Variants in EXOC6 observed in about 807,000 individuals in gnomAD.
The protein encoded by EXOC6 is exocyst complex component 6, also known as SEC15-like 1.
In EXOC6, 60 loss-of-function variants were observed where a neutral mutation model predicts 112.5. The ratio of observed to expected loss-of-function variants is 0.53; its 90% CI spans 0.43 to 0.66. The LOEUF is 0.66. Among genes scored for constraint, EXOC6 ranks in the 30% least tolerant of loss-of-function variants. The probability of loss-of-function intolerance (pLI) is 0.00; values close to 1 mark genes in which losing one functional copy is unlikely to be tolerated. For missense variants in EXOC6, 855 were observed against 957.1 expected (o/e 0.89, Z 1.41); for synonymous variants, 295 against 308.0 (o/e 0.96, Z 0.44).
intron 1 of EXOC6, among the ~76,000 whole-genome samples, chr10:92,852,345 A>T (rs1458908978): frequency 6.6e-6 from 1 of 152,226 alleles, no homozygotes; most frequent in African/African-American, 2.4e-5. Flanking sequence ...ATTGAAGAGG[A>T]GGGAATATTT....
chr10:92,977,332 C>G (rs1048389310), intron 18 of EXOC6, among the ~76,000 whole-genome samples: 5 of 151,908 alleles, frequency 3.3e-5, no homozygotes, highest in African/African-American at 1.2e-4. Context: ...CTTCAAAGAA[C>G]CAATTAGAAA....
intron 5 of EXOC6, 73 bp downstream of exon 5, chr10:92,899,717 A>G (rs951493608): frequency 1.4e-5 from 15 of 1,100,916 alleles, no homozygotes; most frequent in South Asian, 2.7e-5. Flanking sequence ...TACATTTACT[A>G]TAAATCATAG....
chr10:93,001,250 A>G (rs1843742451), intron 19 of EXOC6, among the ~76,000 whole-genome samples: 1 of 152,192 alleles, frequency 6.6e-6, no homozygotes, highest in Non-Finnish European at 1.5e-5. Context: ...CTAAAAGATC[A>G]TTGAGTTTCT....
chr10:92,915,656 C>T (rs1265725908), intron 6 of EXOC6, 102 bp from the exon 7 acceptor site: 2 of 669,776 alleles, frequency 3.0e-6, no homozygotes, highest in South Asian at 3.1e-5. Flanking sequence ...TCTATACCTA[C>T]AGACATTAAA....
chr10:92,880,401 G>A (rs1360128643), intron 1 of EXOC6, among the ~76,000 whole-genome samples: 1 of 151,392 alleles, frequency 6.6e-6, no homozygotes, highest in Non-Finnish European at 1.5e-5. Context: ...CCAGGGATAC[G>A]GAACCCCCAG....
chr10:92,992,189 T>C (rs976537820), intron 18 of EXOC6, among the ~76,000 whole-genome samples: 4 of 147,480 alleles, frequency 2.7e-5, no homozygotes, highest in Non-Finnish European at 4.4e-5. Context: ...CTTGGGAGGC[T>C]GAGGCATGAG....
intron 19 of EXOC6, among the ~76,000 whole-genome samples, chr10:93,011,678 T>C (rs1475499354): frequency 2.6e-5 from 4 of 152,150 alleles, no homozygotes; most frequent in African/African-American, 9.7e-5. Flanking sequence ...AAAGGTATAA[T>C]TTTGCTTATC....
intron 13 of EXOC6, among the ~76,000 whole-genome samples, chr10:92,947,988 A>T (rs1007143067): frequency 1.3e-5 from 2 of 152,200 alleles, no homozygotes; most frequent in Non-Finnish European, 2.9e-5. Context: ...GAGCTTGTTC[A>T]GAATATATCA....
At position 92,916,512 on chromosome 10, in the gene EXOC6, AAAG is replaced by A. The variant is rs1382231678; in HGVS notation, c.819+605_819+607del. 2.6e-5 allele frequency among the ~76,000 whole-genome samples: 4 copies of A among 152,310 alleles called. No individual in the cohort carries two copies. The South Asian group carries it at 8.3e-4, about 32-fold the overall frequency. On this transcript the variant is annotated intron_variant, in intron 7 of 21. Coordinates refer to ENST00000260762, the MANE Select transcript of EXOC6 (RefSeq NM_019053.6). ...GAGACAGAGTGAGACCTTGTCTCAA[AAAG>A]AAGAAAAAAAACAAACAACTATCTT...
At chr10:92,969,664 T>G (rs1002297367) in intron 17 of EXOC6, among the ~76,000 whole-genome samples, 3 of 149,624 alleles carry the variant, frequency 2.0e-5, no homozygotes, top group Non-Finnish European at 4.4e-5. Flanking sequence ...TTATTCATTT[T>G]GGGATTATTG....
At chr10:92,915,293 G>C (rs372478231) in intron 6 of EXOC6, among the ~76,000 whole-genome samples, 1 of 152,070 alleles carries the variant, frequency 6.6e-6, no homozygotes, top group African/African-American at 2.4e-5. Context: ...TGTAATCCTA[G>C]CACTCTGGGA....
intron 20 of EXOC6, among the ~76,000 whole-genome samples, chr10:93,049,708 T>A (rs1846191631): frequency 6.6e-6 from 1 of 152,144 alleles, no homozygotes; most frequent in African/African-American, 2.4e-5. Context: ...GCCTCCCAAG[T>A]AGCTAGCACT....
chr10:92,832,219 C>T (rs1846507539), upstream of EXOC6, among the ~76,000 whole-genome samples: 1 of 152,200 alleles, frequency 6.6e-6, no homozygotes, highest in Non-Finnish European at 1.5e-5. Context: ...GTAGCTTTCA[C>T]AATCATTCAT....
At chr10:93,024,226 A>C (rs1844915203) in intron 20 of EXOC6, among the ~76,000 whole-genome samples, 1 of 152,192 alleles carries the variant, frequency 6.6e-6, no homozygotes. Flanking sequence ...ATGATAAAGC[A>C]GTAAGGTGGG....
intron 1 of EXOC6, among the ~76,000 whole-genome samples, chr10:92,891,591 C>G (rs897250903): frequency 6.6e-6 from 1 of 152,156 alleles, no homozygotes; most frequent in African/African-American, 2.4e-5. Context: ...AAGCGATTCT[C>G]CTGCCTCAGC....
In EXOC6 at chr10:92,909,563, G is replaced by A; in HGVS notation, c.595G>A (p.Asp199Asn). 1.2e-6 allele frequency: 2 copies of A among 1,613,178 alleles called. No individual in the cohort carries two copies. Among genetic ancestry groups the A allele is most frequent in the Non-Finnish European group, 1.7e-6 (2 of 1,179,462 alleles). The change falls in exon 6 of 22, where the codon GAT becomes AAT. Residue 199 changes from aspartate (D) to asparagine (N), a missense_variant. This residue lies in a region of EXOC6 where 405 missense variants were observed against 393.6 expected (regional missense o/e 1.03). Transcript: ENST00000260762. ...GGATATTAAAGAAATCTCCATGTCT[G>A]ATCTCAAAGACTTTTTGGAAAGTAT... ...REDIKEISMS[D>N]LKDFLESIRK...
intron 5 of EXOC6, 117 bp from the exon 6 acceptor site, chr10:92,909,310 A>T: frequency 3.1e-6 from 2 of 643,930 alleles, no homozygotes. Context: ...TACTTATTTT[A>T]ACTAGGACTA....
At chr10:92,900,209 A>C (rs979541866) in intron 5 of EXOC6, 1 of 152,208 alleles carries the variant, frequency 6.6e-6, no homozygotes, top group Non-Finnish European at 1.5e-5. Context: ...CAAGGGGATC[A>C]CTTGAACCCA....
chr10:93,048,314 A>G (rs1424310178), intron 20 of EXOC6, among the ~76,000 whole-genome samples: 2 of 152,016 alleles, frequency 1.3e-5, no homozygotes, highest in Non-Finnish European at 2.9e-5. Context: ...AATCTACTTG[A>G]GGAAATTATA....
Sources: gnomAD v4.1 joint callset for allele counts (sites outside exome capture counted in the v4.1 genomes callset) on GRCh38, gnomAD v4.1.1 for gene constraint, gnomAD v4.1.1 regional missense constraint, MANE v1.5 for transcripts, NCBI Gene and HGNC (gene_info 2026-07-23, HGNC 2026-07-21) for gene names.